The following LMF1 variants were observed in gnomAD, a reference collection of about 807,000 sequenced individuals.
LMF1 encodes the protein lipase maturation factor 1.
Under a neutral mutation model 60.6 loss-of-function variants are expected in LMF1, and 68 were observed. The observed-to-expected ratio is 1.12, with a 90% confidence interval of 0.92 to 1.37. The LOEUF is 1.37. Ranked by LOEUF, LMF1 falls within the 40% of genes most tolerant of loss-of-function variation. LMF1 has a pLI of 0.00. For synonymous variants in LMF1, 418 were observed against 324.7 expected (o/e 1.29, Z -3.09); for missense variants, 948 against 767.2 (o/e 1.24, Z -2.78).
intron 1 of LMF1, among the ~76,000 whole-genome samples, chr16:968,007 C>A (rs79822553): frequency 1.9e-3 from 290 of 152,366 alleles, no homozygotes; most frequent in African/African-American, 6.7e-3. Flanking sequence ...TGCCGCTTTC[C>A]GCTAACACAC....
intron 2 of LMF1, among the ~76,000 whole-genome samples, chr16:943,128 T>C (rs544710137): frequency 2.6e-5 from 4 of 152,236 alleles, no homozygotes; most frequent in East Asian, 1.9e-4. Flanking sequence ...TCCCAGCACT[T>C]TGGGAGGCCG....
At position 897,139 on chromosome 16, in the gene LMF1, C is replaced by T. The variant is rs971301776; in HGVS notation, c.664-4067G>A. ...CATCGACGATGTTCCCGCCTTGCAACGTGTGGCTGCAGCAGCTCTTCTCCT... is the reference window on the plus strand; with the variant it reads ...CATCGACGATGTTCCCGCCTTGCAATGTGTGGCTGCAGCAGCTCTTCTCCT... On this transcript the variant is annotated intron_variant, in intron 4 of 10. Transcript: ENST00000262301. This position sits in a 1 kb window ranked among gnomAD's most constrained non-coding sequence, Gnocchi z 4.3. Among the ~76,000 whole-genome samples the T allele has an allele frequency of 1.3e-5, 2 of 152,226 alleles. No homozygotes were observed. Among genetic ancestry groups the T allele is most frequent in the African/African-American group, 2.4e-5 (1 of 41,458 alleles).
At chr16:934,175 C>G (rs1441634340) in intron 3 of LMF1, 69 bp downstream of exon 3, 2 of 1,598,244 alleles carry the variant, frequency 1.3e-6, no homozygotes, top group South Asian at 1.1e-5. Context: ...AGGAAAAGTG[C>G]GTGAAGATAC....
intron 5 of LMF1, among the ~76,000 whole-genome samples, chr16:886,560 C>A (rs1400426851): frequency 7.5e-6 from 1 of 133,862 alleles, no homozygotes; most frequent in Admixed American, 7.3e-5. Context: ...CCAGGCCCCT[C>A]CCACCCTAGG....
intron 10 of LMF1, among the ~76,000 whole-genome samples, chr16:866,599 G>T (rs2069616306): frequency 6.6e-6 from 1 of 152,126 alleles, no homozygotes; most frequent in Non-Finnish European, 1.5e-5. Flanking sequence ...TTCCTATTTG[G>T]CCTCCTCTGG....
chr16:953,510 G>GACAC (rs1258083199), intron 2 of LMF1, among the ~76,000 whole-genome samples: 315 of 794 alleles, frequency 0.4, 142 homozygotes, highest in African/African-American at 0.7. Flanking sequence ...CGTCCACACA[G>GACAC]ACACCCCAAA....
At chr16:857,393 G>A (rs1284634806) in intron 10 of LMF1, among the ~76,000 whole-genome samples, 3 of 152,176 alleles carry the variant, frequency 2.0e-5, no homozygotes, top group Non-Finnish European at 4.4e-5. Flanking sequence ...ATGTGGGGTT[G>A]TTGCTACTTT....
rs762754421 is a variant in LMF1, at chr16:948,712, C to T, written c.503+5645G>A. On this transcript the variant is annotated intron_variant, in intron 2 of 10. Coordinates refer to ENST00000262301, the MANE Select transcript of LMF1 (RefSeq NM_022773.4). ...CAGCCAACGACAGAATCAGAGACAA[C>T]GACAGAGTCAGCCAATGACAGAGTC... Among the ~76,000 whole-genome samples, 35 of 112,894 alleles carry T rather than the reference C, an allele frequency of 3.1e-4. 1 individual carries two copies. The highest frequency in any genetic ancestry group is 9.4e-4 in the African/African-American group (26 of 27,800). 74.1% of individuals were successfully genotyped at this position (112,894 alleles called of 152,430 possible).
chr16:876,677 C>A (rs987289263), intron 6 of LMF1, among the ~76,000 whole-genome samples: 1 of 151,194 alleles, frequency 6.6e-6, no homozygotes, highest in South Asian at 2.1e-4. Context: ...TGGCTTGGGG[C>A]GGACAGAGGC....
At chr16:956,586 G>A (rs994070973) in intron 1 of LMF1, among the ~76,000 whole-genome samples, 9 of 152,256 alleles carry the variant, frequency 5.9e-5, no homozygotes, top group African/African-American at 2.2e-4. Context: ...GCTCACGCCT[G>A]TAATCCCAGC....
chr16:862,910 CTTCTA>C (rs2069505796), intron 10 of LMF1, among the ~76,000 whole-genome samples: 1 of 152,150 alleles, frequency 6.6e-6, no homozygotes, highest in Non-Finnish European at 1.5e-5. Context: ...TTTTCCTTCT[CTTCTA>C]TTTTCTGGGA....
At chr16:927,028 T>C (rs986872464) in intron 3 of LMF1, among the ~76,000 whole-genome samples, 2 of 151,526 alleles carry the variant, frequency 1.3e-5, no homozygotes, top group Non-Finnish European at 2.9e-5. Context: ...CACTGGAGGG[T>C]CCAGAAGGGC....
At position 871,380 on chromosome 16, in the gene LMF1, G is replaced by C. The variant is rs199987946; in HGVS notation, c.898-39C>G. On this transcript the variant is annotated intron_variant, in intron 6 of 10. Transcript: ENST00000262301. ...GCAGCTGAGTCTCGTGCAGGGGCTC[G>C]TGTGGGGCCCCTGGGCAGCTGGCGC... 6.3e-5 allele frequency: 101 copies of C among 1,600,430 alleles called. 1 individual carries two copies. The highest frequency in any genetic ancestry group is 6.0e-4 in the South Asian group (54 of 89,992).
rs201927375 is a variant in LMF1 at position 870,002 on chromosome 16, C to T, written c.1297G>A (p.Asp433Asn). 124 of 1,613,104 alleles carry T rather than the reference C, an allele frequency of 7.7e-5. No individual in the cohort carries two copies. The East Asian group carries it at 1.1e-3, about 14-fold the overall frequency. The stretch of plus-strand genomic sequence containing the variant: ...AACTCGTAGTCCTCCCACATGGCAT[C>T]GGGGGCGCTGGCGTTGGAGCTGGCT... ...GTASSNASAPDAMWEDYEFKC... is the reference protein window; with the variant it reads ...GTASSNASAPNAMWEDYEFKC... The change falls in exon 9 of 11, where the codon GAT (aspartate) becomes AAT (asparagine). Residue 433 changes from aspartate (D) to asparagine (N), a missense_variant. Physicochemically the swap from Asp to Asn is conservative, Grantham distance 23. Transcript: ENST00000262301.
Position 871,310 on chromosome 16 carries a change from A to AAGCTGAGGTTCCCGC in LMF1, c.914_928dup (p.Ser309_Phe310insCysGlyAsnLeuSer), listed in dbSNP as rs754361547. On this transcript the variant is annotated inframe_insertion, in exon 7 of 11. Transcript: ENST00000262301. ...GGGCACCATAGTCAGCCAGTTCAGG[A>AAGCTGAGGTTCCCGC]AGCTGAGGTTCCCGCTGACGATGAG... is the stretch of plus-strand genomic sequence containing the variant. The AAGCTGAGGTTCCCGC allele has an allele frequency of 3.7e-6, 6 of 1,612,378 alleles. No individual in the cohort carries two copies. The Admixed American group carries it at 5.0e-5, about 13-fold the overall frequency.
At chr16:865,234 TCTTAACTA>T (rs1286328949) in intron 10 of LMF1, among the ~76,000 whole-genome samples, 4 of 152,222 alleles carry the variant, frequency 2.6e-5, no homozygotes, top group Non-Finnish European at 5.9e-5. Flanking sequence ...TTTATAGTTA[TCTTAACTA>T]CTTCCTCTAC....
At chr16:904,030 T>G (rs1371638753) in intron 4 of LMF1, 1 of 149,144 alleles carries the variant, frequency 6.7e-6, no homozygotes, top group Non-Finnish European at 1.2e-5. Flanking sequence ...GCACTGCCCG[T>G]GGGGACGCCT....
chr16:957,504 A>C (rs752322550), intron 1 of LMF1, among the ~76,000 whole-genome samples: 3 of 152,282 alleles, frequency 2.0e-5, no homozygotes, highest in Non-Finnish European at 2.9e-5. Context: ...AAAATCATTA[A>C]GGTGTCAATT....
In LMF1 at chr16:915,807, T is replaced by C. The variant is rs145185772; in HGVS notation, c.515-4728A>G. Among the ~76,000 whole-genome samples, 153 of 151,984 alleles carry C rather than the reference T, an allele frequency of 1.0e-3. 3 individuals are homozygous for C. In the East Asian group the frequency reaches 0.026, roughly 26 times the overall value. ...ACTGCGGTGCCTCAGGCGGGTGAGATGAGCACCATCACCGGGGGCCGGAGC... is the reference window on the plus strand; with the variant it reads ...ACTGCGGTGCCTCAGGCGGGTGAGACGAGCACCATCACCGGGGGCCGGAGC... On this transcript the variant is annotated intron_variant, in intron 3 of 10. Transcript: ENST00000262301.
Sources: allele counts gnomAD v4.1 joint callset (sites outside exome capture counted in the v4.1 genomes callset), GRCh38; gene constraint gnomAD v4.1.1; non-coding constraint Gnocchi (gnomAD v3.1); transcripts MANE v1.5; gene names NCBI Gene and HGNC (gene_info 2026-07-23, HGNC 2026-07-21).